Variants in ROBO4 observed in about 807,000 individuals in gnomAD.
ROBO4 encodes the protein roundabout homolog 4.
ROBO4 carries 80 observed loss-of-function variants against 103.3 expected under a neutral mutation model. That is an observed-to-expected ratio of 0.77 (90% CI 0.65 to 0.93). The LOEUF is 0.93. Ranked by LOEUF, ROBO4 falls within the 40% of genes least tolerant of loss-of-function variation. The pLI is 0.00. For synonymous variants in ROBO4, 504 were observed against 529.7 expected (o/e 0.95, Z 0.67); for missense variants, 1,333 against 1,305.3 (o/e 1.02, Z -0.33).
chr11:124,886,604 G>A lies in ROBO4; in HGVS notation c.2654C>T (p.Ala885Val). The change falls in exon 16 of 18, where the codon GCC (alanine) becomes GTC (valine). Residue 885 changes from alanine to valine, a missense_variant. By Grantham distance (64) the Ala-to-Val change is moderately conservative. Coordinates refer to ENST00000306534, the MANE Select transcript of ROBO4 (RefSeq NM_019055.6). ...NGWGSASEDN[A>V]ASARASLVSS... ...GACAAGGCTGGCTCTGGCGCTGGCG[G>A]CATTGTCCTCAGAGGCTGAGCCCCA... is the stretch of plus-strand genomic sequence containing the variant. 6.2e-7 allele frequency: 1 copy of A among 1,614,206 alleles called. No individual in the cohort carries two copies. Among genetic ancestry groups the A allele is most frequent in the Non-Finnish European group, 8.5e-7 (1 of 1,180,024 alleles).
At chr11:124,894,156 G>C (rs1238308334) in intron 8 of ROBO4, 45 bp downstream of exon 8, 4 of 1,571,952 alleles carry the variant, frequency 2.5e-6, no homozygotes, top group Non-Finnish European at 3.5e-6. Context: ...AGGAAGGCGG[G>C]ATGCAGGCTG....
intron 4 of ROBO4, 96 bp from the exon 5 acceptor site, chr11:124,896,008 C>A (rs1946882635): frequency 1.3e-6 from 2 of 1,567,872 alleles, no homozygotes; most frequent in Non-Finnish European, 1.7e-6. Context: ...CCCAGGGAAC[C>A]CAAACTCCCA....
In ROBO4 at chr11:124,891,445, A is replaced by G. The variant is rs977349745; in HGVS notation, c.1802T>C (p.Val601Ala). The change falls in exon 12 of 18, where the codon GTC (valine) becomes GCC (alanine). Residue 601 changes from valine to alanine, a missense_variant. Physicochemically the swap from Val to Ala is moderately conservative, Grantham distance 64. Transcript: ENST00000306534. ...GGGTGGGAGGCGCCTGACAGCTGGG[A>G]CCTGGGGACTTGGCCTGGCTGGGGT... Reference protein sequence around the residue: ...SSTPARPSPQVPAVRRLPPQL... With the variant: ...SSTPARPSPQAPAVRRLPPQL... The G allele has an allele frequency of 1.2e-6, 2 of 1,603,458 alleles. No individual in the cohort carries two copies. The highest frequency in any genetic ancestry group is 2.2e-5 in the South Asian group (2 of 88,928).
chr11:124,894,986 C>G (rs982457940), intron 7 of ROBO4, 95 bp downstream of exon 7: 4 of 960,070 alleles, frequency 4.2e-6, no homozygotes, highest in Non-Finnish European at 6.6e-6. Flanking sequence ...TGCCCAGGTA[C>G]CTTTCTCAGT....
chr11:124,892,292 C>T (rs1946812342), intron 10 of ROBO4: 4 of 335,922 alleles, frequency 1.2e-5, no homozygotes, highest in South Asian at 9.8e-5. Context: ...GGAGCTTGCT[C>T]CATGGATATT....
intron 12 of ROBO4, 40 bp from the exon 13 acceptor site, chr11:124,887,880 A>C: frequency 2.6e-6 from 4 of 1,518,700 alleles, no homozygotes; most frequent in Non-Finnish European, 3.6e-6. Context: ...CCCAGGATGG[A>C]CTTTTCAGAC....
At chr11:124,890,804 GAGTCGGTGCCCA>G (rs1390343984) in intron 12 of ROBO4, among the ~76,000 whole-genome samples, 4 of 152,236 alleles carry the variant, frequency 2.6e-5, no homozygotes, top group Non-Finnish European at 5.9e-5. Flanking sequence ...AGTGAGTTGG[GAGTCGGTGCCCA>G]AGCACACCTG....
At position 124,895,814 on chromosome 11, in the gene ROBO4, G is replaced by C; in HGVS notation, c.778C>G (p.Pro260Ala). Residue 260 changes from proline (P) to alanine (A), a missense_variant, in exon 5 of 18, where the codon CCT becomes GCT. Physicochemically the swap from Pro to Ala is conservative, Grantham distance 27. Transcript: ENST00000306534. ...LNPDPAEGPKPRPAVWLSWKV... is the reference protein window; with the variant it reads ...LNPDPAEGPKARPAVWLSWKV... ...CAGCTGAGCCACACCGCCGGTCTAG[G>C]CTTGGGGCCCTCTGCAGGATCCGGG... The C allele has an allele frequency of 6.2e-7, 1 of 1,614,166 alleles. No individual in the cohort carries two copies. Among genetic ancestry groups the C allele is most frequent in the Non-Finnish European group, 8.5e-7 (1 of 1,180,034 alleles).
chr11:124,892,070 G>A (rs766547642), intron 10 of ROBO4: 3 of 656,736 alleles, frequency 4.6e-6, no homozygotes, highest in Admixed American at 2.1e-5. Flanking sequence ...GTATGCTGAG[G>A]TAAAAAGAAG....
intron 12 of ROBO4, 138 bp from the exon 13 acceptor site, chr11:124,887,978 C>T (rs1669955619): frequency 3.1e-6 from 2 of 652,170 alleles, no homozygotes; most frequent in Non-Finnish European, 5.2e-6. Context: ...CCCTGAATCC[C>T]CTCCACACCC....
chr11:124,891,934 T>G, intron 10 of ROBO4, 132 bp from the exon 11 acceptor site: 1 of 1,046,408 alleles, frequency 9.6e-7, no homozygotes. Context: ...CTACTGCTTT[T>G]CAGCTTTTCA....
intron 14 of ROBO4, 72 bp downstream of exon 14, chr11:124,887,286 T>C (rs761400787): frequency 5.5e-5 from 88 of 1,605,786 alleles, no homozygotes; most frequent in Non-Finnish European, 6.0e-5. Flanking sequence ...TTCCCCAGCC[T>C]GTCCAATCCC....
intron 12 of ROBO4, among the ~76,000 whole-genome samples, chr11:124,890,404 T>C (rs1028321440): frequency 1.3e-5 from 2 of 152,234 alleles, no homozygotes; most frequent in African/African-American, 4.8e-5. Flanking sequence ...AGCAGGTAGA[T>C]TGCAGGCCAA....
rs1946847882 is a variant in ROBO4 at position 124,894,350 on chromosome 11, G to A, written c.1169C>T (p.Thr390Ile). ...AGTCCAGTTGGCTGGTGGCAGTGAT[G>A]TGTTGCCCAGGCTCCAGACCTGAGG... is the stretch of plus-strand genomic sequence containing the variant. ...RGYQVWSLGN[T>I]SLPPANWTVV... The change falls in exon 8 of 18, where the codon ACA becomes ATA. Residue 390 changes from threonine (T) to isoleucine (I), a missense_variant. Coordinates refer to ENST00000306534, the MANE Select transcript of ROBO4 (RefSeq NM_019055.6). 1.2e-6 allele frequency: 2 copies of A among 1,613,254 alleles called. No individual in the cohort carries two copies. Among genetic ancestry groups the A allele is most frequent in the Non-Finnish European group, 1.7e-6 (2 of 1,179,834 alleles).
At chr11:124,895,434 T>C (rs754306455) in intron 6 of ROBO4, 23 bp downstream of exon 6, 1 of 1,601,976 alleles carries the variant, frequency 6.2e-7, no homozygotes, top group African/African-American at 1.3e-5. Flanking sequence ...TATTGTTGGC[T>C]TCTGAAGGGA....
In ROBO4 at chr11:124,885,196, A is replaced by G. The variant is rs200737918; in HGVS notation, c.2846T>C (p.Leu949Pro). The change falls in exon 17 of 18, where the codon CTC becomes CCC. Residue 949 changes from leucine (L) to proline (P), a missense_variant. Coordinates refer to ENST00000306534, the MANE Select transcript of ROBO4 (RefSeq NM_019055.6). ...CCTCCACTCCCACAGGGGCAGGGAGAGGTTGGGGGTCAGGAAGATCTCATC... is the reference window on the plus strand; with the variant it reads ...CCTCCACTCCCACAGGGGCAGGGAGGGGTTGGGGGTCAGGAAGATCTCATC... ...PRDEIFLTPN[L>P]SLPLWEWRPD... The G allele has an allele frequency of 1.2e-4, 187 of 1,613,350 alleles. No homozygotes were observed. Among genetic ancestry groups the G allele is most frequent in the Non-Finnish European group, 1.5e-5 (18 of 1,179,980 alleles).
intron 7 of ROBO4, 140 bp downstream of exon 7, chr11:124,894,941 C>A: frequency 1.5e-6 from 1 of 682,492 alleles, no homozygotes; most frequent in Non-Finnish European, 2.6e-6. Flanking sequence ...GCCAGTGGGT[C>A]CTTGCTCAGC....
intron 12 of ROBO4, among the ~76,000 whole-genome samples, chr11:124,890,974 T>C (rs892045477): frequency 1.6e-4 from 24 of 152,238 alleles, no homozygotes; most frequent in African/African-American, 5.8e-4. Flanking sequence ...GGGCTGTGTC[T>C]GACGTCTCTT....
At chr11:124,890,527 T>C (rs1054833948) in intron 12 of ROBO4, among the ~76,000 whole-genome samples, 1 of 152,214 alleles carries the variant, frequency 6.6e-6, no homozygotes, top group Non-Finnish European at 1.5e-5. Flanking sequence ...GCCTTCAGAT[T>C]TGAGTCCTGC....
Sources: gnomAD v4.1 joint callset for allele counts (sites outside exome capture counted in the v4.1 genomes callset) on GRCh38, gnomAD v4.1.1 for gene constraint, MANE v1.5 for transcripts, NCBI Gene and HGNC (gene_info 2026-07-23, HGNC 2026-07-21) for gene names.